NXPH2: variants seen among roughly 807,000 people sequenced by gnomAD.
The protein encoded by NXPH2 is neurexophilin 2, also known as neurexophilin-2.
In NXPH2, 5 loss-of-function variants were observed where a neutral mutation model predicts 19.8. The ratio of observed to expected loss-of-function variants is 0.25; its 90% CI spans 0.13 to 0.53. The LOEUF (loss-of-function observed/expected upper bound fraction) is 0.53. Among genes scored for constraint, NXPH2 ranks in the 20% least tolerant of loss-of-function variants. The pLI, the probability that NXPH2 is intolerant of heterozygous loss-of-function variation, is 0.96. For missense variants in NXPH2, 289 were observed against 322.8 expected (o/e 0.90, Z 0.80); for synonymous variants, 154 against 127.4 (o/e 1.21, Z -1.41).
intron 1 of NXPH2, among the ~76,000 whole-genome samples, chr2:138,746,068 G>A (rs1033134932): frequency 3.3e-5 from 5 of 152,168 alleles, no homozygotes; most frequent in South Asian, 4.2e-4. Context: ...AGGGGAATTC[G>A]TCGTCCTGTA....
chr2:138,774,703 A>G (rs369958387), intron 1 of NXPH2, among the ~76,000 whole-genome samples: 1 of 152,202 alleles, frequency 6.6e-6, no homozygotes, highest in East Asian at 1.9e-4. Context: ...ACACCCTTGG[A>G]CCAACTCTAT....
chr2:138,767,523 C>T (rs1682110310), intron 1 of NXPH2, among the ~76,000 whole-genome samples: 1 of 152,180 alleles, frequency 6.6e-6, no homozygotes, highest in African/African-American at 2.4e-5. Flanking sequence ...TATACATGTG[C>T]CATGGTGGTT....
Position 138,670,503 on chromosome 2 carries a change from TC to T in NXPH2, c.*418del, listed in dbSNP as rs1158122983. On this transcript the variant is annotated 3_prime_UTR_variant, in exon 2 of 2. Transcript: ENST00000272641. ...AACACAATTCATCTATCAAATACAA[TC>T]TTTTCCTTTACCGCATCTGCTGTTT... Among the ~76,000 whole-genome samples the T allele has an allele frequency of 1.3e-5, 2 of 152,198 alleles. No homozygotes were observed. Among genetic ancestry groups the T allele is most frequent in the Non-Finnish European group, 2.9e-5 (2 of 68,032 alleles).
chr2:138,725,624 T>G (rs1681344549), intron 1 of NXPH2, among the ~76,000 whole-genome samples: 1 of 152,232 alleles, frequency 6.6e-6, no homozygotes, highest in African/African-American at 2.4e-5. Flanking sequence ...TACATAATAT[T>G]TGGCATTGTA....
chr2:138,674,603 A>G (rs1266424200), intron 1 of NXPH2, among the ~76,000 whole-genome samples: 1 of 152,142 alleles, frequency 6.6e-6, no homozygotes, highest in African/African-American at 2.4e-5. Flanking sequence ...ACTCTTACTC[A>G]TGATGTGTGC....
intron 1 of NXPH2, among the ~76,000 whole-genome samples, chr2:138,707,092 G>GAAAAA (rs1242493874): frequency 8.6e-4 from 1 of 1,158 alleles, no homozygotes; most frequent in African/African-American, 1.8e-3. Flanking sequence ...CTTGCCCCAT[G>GAAAAA]ACAAAAAAAA....
intron 1 of NXPH2, among the ~76,000 whole-genome samples, chr2:138,714,205 C>CTGT (rs1414315656): frequency 2.6e-5 from 4 of 151,962 alleles, no homozygotes; most frequent in African/African-American, 9.7e-5. Flanking sequence ...TAGGTATGTG[C>CTGT]GTACATAGGG....
At chr2:138,739,257 G>T (rs1026840214) in intron 1 of NXPH2, among the ~76,000 whole-genome samples, 13 of 152,222 alleles carry the variant, frequency 8.5e-5, no homozygotes, top group African/African-American at 3.1e-4. Context: ...ACACTAGGAG[G>T]CTCCAGGAAG....
intron 1 of NXPH2, among the ~76,000 whole-genome samples, chr2:138,689,722 A>G (rs1238419758): frequency 2.6e-5 from 4 of 152,202 alleles, no homozygotes; most frequent in Non-Finnish European, 5.9e-5. Context: ...AATACTTAAT[A>G]TCTAGCGGAA....
chr2:138,733,223 G>A (rs1681478523), intron 1 of NXPH2, among the ~76,000 whole-genome samples: 1 of 152,162 alleles, frequency 6.6e-6, no homozygotes, highest in African/African-American at 2.4e-5. Context: ...AAAAGTTTCT[G>A]AGATCCCTTA....
At chr2:138,671,922 GTC>G (rs543703770) in intron 1 of NXPH2, among the ~76,000 whole-genome samples, 457 of 152,286 alleles carry the variant, frequency 3.0e-3, no homozygotes, top group Admixed American at 4.8e-3. Flanking sequence ...TGTGATTTTA[GTC>G]TCTGTTTCCT....
Position 138,780,310 on chromosome 2 carries a change from G to C in NXPH2, c.-69C>G, listed in dbSNP as rs887216148. ...TGCCTCTCGCGCATCTCCACTTCGC[G>C]GGGCAGGACTGAGGACGCCAGGGAC... On this transcript the variant is annotated 5_prime_UTR_variant, in exon 1 of 2. Coordinates refer to ENST00000272641, the MANE Select transcript of NXPH2 (RefSeq NM_007226.3). The C allele has an allele frequency of 5.4e-6, 7 of 1,302,494 alleles. No individual in the cohort carries two copies. The highest frequency in any genetic ancestry group is 3.1e-5 in the East Asian group (1 of 32,272). The allele number at this position is 1,302,494 out of a possible 1,614,324, so 80.7% of individuals were successfully genotyped here. A position where few individuals can be genotyped will look rare whatever the true frequency, so the allele number is the denominator to read the frequency against.
At chr2:138,742,174 C>G (rs1426564834) in intron 1 of NXPH2, among the ~76,000 whole-genome samples, 1 of 152,076 alleles carries the variant, frequency 6.6e-6, no homozygotes, top group East Asian at 1.9e-4. Context: ...TTCCAAAGCT[C>G]CAGATCTGGG....
intron 1 of NXPH2, among the ~76,000 whole-genome samples, chr2:138,776,843 C>G (rs1346371211): frequency 6.6e-6 from 1 of 151,622 alleles, no homozygotes; most frequent in Non-Finnish European, 1.5e-5. Context: ...ATGTAAGTAC[C>G]CTTAATAAAT....
At chr2:138,755,609 T>C (rs1681894918) in intron 1 of NXPH2, among the ~76,000 whole-genome samples, 1 of 152,134 alleles carries the variant, frequency 6.6e-6, no homozygotes, top group Admixed American at 6.5e-5. Context: ...AATCAGGTAA[T>C]GTGAGCCCTT....
At chr2:138,673,668 G>A (rs1680444686) in intron 1 of NXPH2, among the ~76,000 whole-genome samples, 2 of 147,192 alleles carry the variant, frequency 1.4e-5, no homozygotes, top group African/African-American at 5.1e-5. Flanking sequence ...TGGTAGAGAT[G>A]GGGTCTCAGT....
At chr2:138,698,183 T>A (rs1295724736) in intron 1 of NXPH2, among the ~76,000 whole-genome samples, 2 of 152,210 alleles carry the variant, frequency 1.3e-5, no homozygotes, top group East Asian at 3.9e-4. Context: ...TGAAGAAAAA[T>A]TTTAAGTGAT....
intron 1 of NXPH2, among the ~76,000 whole-genome samples, chr2:138,755,973 T>C (rs762812112): frequency 1.3e-5 from 2 of 152,026 alleles, no homozygotes; most frequent in Non-Finnish European, 2.9e-5. Flanking sequence ...ATTCCAGTTG[T>C]TCTTTACTGG....
At position 138,671,241 on chromosome 2, in the gene NXPH2, C is replaced by T. The variant is rs1680409138; in HGVS notation, c.476G>A (p.Ser159Asn). 6.2e-7 allele frequency: 1 copy of T among 1,613,868 alleles called. No individual in the cohort carries two copies. The highest frequency in any genetic ancestry group is 2.2e-5 in the East Asian group (1 of 44,874). ...CACCACCTTGGAGGGTGGTACCAAG[C>T]TCACTGAAACATTGCCCAGGCCTGT... The part of the protein sequence containing the change: ...NSTGLGNVSV[S>N]LVPPSKVVEF... The change falls in exon 2 of 2, where the codon AGC (serine) becomes AAC (asparagine). Residue 159 changes from serine to asparagine, a missense_variant. Physicochemically the swap from Ser to Asn is conservative, Grantham distance 46. Coordinates refer to ENST00000272641, the MANE Select transcript of NXPH2 (RefSeq NM_007226.3).
Sources: allele counts gnomAD v4.1 joint callset (sites outside exome capture counted in the v4.1 genomes callset), GRCh38; gene constraint gnomAD v4.1.1; transcripts MANE v1.5; gene names NCBI Gene and HGNC (gene_info 2026-07-23, HGNC 2026-07-21).